The following DTNB variants were observed in gnomAD, a reference collection of about 807,000 sequenced individuals.
The protein encoded by DTNB is DTN-B.
DTNB carries 63 observed loss-of-function variants against 90.7 expected under a neutral mutation model. The observed-to-expected ratio is 0.69, with a 90% CI of 0.57 to 0.86. The LOEUF (loss-of-function observed/expected upper bound fraction) is 0.86, where lower values mean the gene tolerates loss of function less well. DTNB is among the 40% of genes least tolerant of loss of function. The pLI is 0.00. For missense variants in DTNB, 744 were observed against 807.1 expected (o/e 0.92, Z 0.95); for synonymous variants, 277 against 286.7 (o/e 0.97, Z 0.34).
intron 5 of DTNB, among the ~76,000 whole-genome samples, chr2:25,605,156 C>A (rs1174566589): frequency 1.3e-5 from 2 of 152,194 alleles, no homozygotes; most frequent in Non-Finnish European, 2.9e-5. Flanking sequence ...AAGATAATTA[C>A]AGTACAACAA....
At chr2:25,515,027 C>T (rs1336211012) in intron 9 of DTNB, among the ~76,000 whole-genome samples, 3 of 152,004 alleles carry the variant, frequency 2.0e-5, no homozygotes, top group Non-Finnish European at 4.4e-5. Context: ...TATCATTAAG[C>T]AGGATATAAA....
intron 9 of DTNB, among the ~76,000 whole-genome samples, chr2:25,511,200 T>C (rs1034938963): frequency 6.6e-6 from 1 of 152,156 alleles, no homozygotes; most frequent in African/African-American, 2.4e-5. Flanking sequence ...CACAAAAGAT[T>C]TTCTTAAAAG....
intron 9 of DTNB, among the ~76,000 whole-genome samples, chr2:25,519,533 T>C (rs2075768912): frequency 6.6e-6 from 1 of 152,142 alleles, no homozygotes; most frequent in Admixed American, 6.6e-5. Flanking sequence ...GAATCCCTTA[T>C]CCAAAATGCT....
In DTNB at chr2:25,377,313, G is replaced by A. The variant is rs994478292; in HGVS notation, c.*270C>T. 6.5e-6 allele frequency: 1 copy of A among 152,976 alleles called. No individual in the cohort carries two copies. Among genetic ancestry groups the A allele is most frequent in the African/African-American group, 2.4e-5 (1 of 41,462 alleles). 9.5% of individuals were successfully genotyped at this position (152,976 alleles called of 1,614,324 possible). A position where few individuals can be genotyped will look rare whatever the true frequency, so the allele number is the denominator to read the frequency against. Reference sequence around the variant, plus strand: ...ATGCGGAGATGAGACCATGCCCTGAGGGGAGTGATGAAGGTGCTAGTACAT... The same window carrying A: ...ATGCGGAGATGAGACCATGCCCTGAAGGGAGTGATGAAGGTGCTAGTACAT... On this transcript the variant is annotated 3_prime_UTR_variant, in exon 21 of 21. Coordinates refer to ENST00000406818, the MANE Select transcript of DTNB (RefSeq NM_021907.5).
In DTNB at chr2:25,514,972, C is replaced by T. The variant is rs187236031; in HGVS notation, c.1001+16501G>A. Among the ~76,000 whole-genome samples, 516 of 152,114 alleles carry T rather than the reference C, an allele frequency of 3.4e-3. 2 individuals carry two copies. Among genetic ancestry groups the T allele is most frequent in the African/African-American group, 0.012 (487 of 41,502 alleles). Reference sequence around the variant, plus strand: ...TGCTGGGATTACAGGCGTGAGTCACCGCGCCCAGCTGAAAAATCTTAAAAG... The same window carrying T: ...TGCTGGGATTACAGGCGTGAGTCACTGCGCCCAGCTGAAAAATCTTAAAAG... On this transcript the variant is annotated intron_variant, in intron 9 of 20. Transcript: ENST00000406818.
In DTNB at chr2:25,628,254, G is replaced by A. The variant is rs1222080907; in HGVS notation, c.279C>T (p.Asn93=). 21 of 1,613,442 alleles carry A rather than the reference G, an allele frequency of 1.3e-5. No homozygotes were observed. The highest frequency in any genetic ancestry group is 1.5e-5 in the Non-Finnish European group (18 of 1,179,868). ...TVISSIYYQL[N]KRLPSTHQIS... ...TTTGGTGAGTAGAAGGAAGGCGCTT[G>A]TTCAACTGATAGTAGATGGAGGAGA... The change falls in exon 4 of 21, where the codon AAC becomes AAT. Residue 93 remains asparagine (N), a synonymous_variant. Coordinates refer to ENST00000406818, the MANE Select transcript of DTNB (RefSeq NM_021907.5).
chr2:25,410,928 CCTTTT>C (rs1452994405), intron 16 of DTNB, among the ~76,000 whole-genome samples: 13 of 148,944 alleles, frequency 8.7e-5, no homozygotes, highest in Non-Finnish European at 6.0e-5. Context: ...TTAGGAACTG[CCTTTT>C]CTTTTTTTTT....
intron 5 of DTNB, 119 bp downstream of exon 5, chr2:25,607,117 G>A (rs771943031): frequency 2.0e-5 from 21 of 1,058,878 alleles, no homozygotes; most frequent in African/African-American, 1.3e-4. Context: ...CTGCTGCAGC[G>A]TGAGTGACAT....
intron 12 of DTNB, among the ~76,000 whole-genome samples, chr2:25,435,183 C>A (rs375024837): frequency 9.9e-5 from 15 of 152,130 alleles, no homozygotes; most frequent in African/African-American, 3.6e-4. Flanking sequence ...CCATGCTCAG[C>A]TCATTGTTTG....
intron 1 of DTNB, among the ~76,000 whole-genome samples, chr2:25,671,969 G>A (rs1207538005): frequency 6.6e-6 from 1 of 151,722 alleles, no homozygotes; most frequent in Non-Finnish European, 1.5e-5. Context: ...GGACCAAAAT[G>A]AAAAAGTGTT....
intron 8 of DTNB, among the ~76,000 whole-genome samples, chr2:25,554,209 T>C (rs1328440430): frequency 1.3e-5 from 2 of 152,200 alleles, no homozygotes; most frequent in Non-Finnish European, 2.9e-5. Context: ...CTGTCATCAA[T>C]TTAGCCTGGG....
chr2:25,648,601 A>T lies in DTNB; in HGVS notation c.67+3993T>A, dbSNP rs1381856052. ...AGGTTAAAAAAAAACTATTTAAATTATTAAATTATTATGACTGCTTTTATG... is the reference window on the plus strand; with the variant it reads ...AGGTTAAAAAAAAACTATTTAAATTTTTAAATTATTATGACTGCTTTTATG... On this transcript the variant is annotated intron_variant, in intron 2 of 20. Transcript: ENST00000406818. Among the ~76,000 whole-genome samples, 3 of 152,300 alleles carry T rather than the reference A, an allele frequency of 2.0e-5. 1 individual carries two copies. In the East Asian group the frequency reaches 5.8e-4, roughly 29 times the overall value.
intron 12 of DTNB, among the ~76,000 whole-genome samples, chr2:25,446,240 TTTTA>T (rs1478275466): frequency 2.0e-5 from 3 of 152,114 alleles, no homozygotes; most frequent in Admixed American, 2.0e-4. Context: ...TAATCGACTG[TTTTA>T]TTTAATTTTT....
intron 8 of DTNB, among the ~76,000 whole-genome samples, chr2:25,544,221 C>G (rs1435487674): frequency 6.6e-6 from 1 of 152,182 alleles, no homozygotes; most frequent in Non-Finnish European, 1.5e-5. Flanking sequence ...CCAAAGTGGG[C>G]AGCAGGCGAC....
intron 4 of DTNB, among the ~76,000 whole-genome samples, chr2:25,608,881 G>T (rs2067746931): frequency 1.3e-5 from 2 of 152,150 alleles, no homozygotes; most frequent in African/African-American, 2.4e-5. Context: ...AGATTTCAAG[G>T]GGGTAAATAT....
chr2:25,437,255 T>C (rs2056091502), intron 12 of DTNB, among the ~76,000 whole-genome samples: 1 of 152,004 alleles, frequency 6.6e-6, no homozygotes. Context: ...TTAGAACTTT[T>C]ATCTATGTAC....
At position 25,434,006 on chromosome 2, in the gene DTNB, G is replaced by T; in HGVS notation, c.1258-11C>A. ...AGTGGGAGGACGAGTCTAAAGTGGG[G>T]AAGTCGGGAGAAAGTTTTTTTTTTT... On this transcript the variant is annotated splice_polypyrimidine_tract_variant and intron_variant, in intron 12 of 20. Transcript: ENST00000406818. 6.3e-7 allele frequency: 1 copy of T among 1,594,402 alleles called. No individual in the cohort carries two copies. The highest frequency in any genetic ancestry group is 1.1e-5 in the South Asian group (1 of 88,300).
At chr2:25,603,917 T>C (rs2066459316) in intron 5 of DTNB, among the ~76,000 whole-genome samples, 1 of 152,210 alleles carries the variant, frequency 6.6e-6, no homozygotes, top group African/African-American at 2.4e-5. Flanking sequence ...AGTAGGACAT[T>C]GCTGAGAACC....
intron 8 of DTNB, among the ~76,000 whole-genome samples, chr2:25,557,156 C>CA (rs949785201): frequency 6.6e-6 from 1 of 151,914 alleles, no homozygotes; most frequent in Non-Finnish European, 1.5e-5. Context: ...CAGCTAAAAC[C>CA]AAAAAAAGCA....
Sources: allele counts gnomAD v4.1 joint callset (sites outside exome capture counted in the v4.1 genomes callset), GRCh38; gene constraint gnomAD v4.1.1; transcripts MANE v1.5; gene names NCBI Gene and HGNC (gene_info 2026-07-23, HGNC 2026-07-21).